MAGI1: variants seen among roughly 807,000 people sequenced by gnomAD.
MAGI1 encodes the protein membrane-associated guanylate kinase, WW and PDZ domain-containing protein 1.
In MAGI1, 58 loss-of-function variants were observed where a neutral mutation model predicts 139.9. That is an observed-to-expected ratio of 0.41 (90% confidence interval 0.34 to 0.52). MAGI1 has a LOEUF of 0.52. MAGI1 is among the 20% of genes least tolerant of loss of function. MAGI1 has a pLI of 0.12. For synonymous variants in MAGI1, 812 were observed against 737.9 expected (o/e 1.10, Z -1.63); for missense variants, 1,874 against 1,901.6 (o/e 0.99, Z 0.27).
At chr3:65,734,570 G>GGAGA (rs143441869) in intron 1 of MAGI1, among the ~76,000 whole-genome samples, 1,954 of 145,998 alleles carry the variant, frequency 0.013, 37 homozygotes, top group African/African-American at 0.044. Context: ...AGAGAGAGAG[G>GGAGA]GAGAGAGAGA....
chr3:65,735,147 C>T (rs2107752704), intron 1 of MAGI1, among the ~76,000 whole-genome samples: 1 of 152,214 alleles, frequency 6.6e-6, no homozygotes, highest in East Asian at 1.9e-4. Flanking sequence ...TCATCAAATA[C>T]ATATTGGAAT....
intron 2 of MAGI1, among the ~76,000 whole-genome samples, chr3:65,521,250 A>G (rs1356026924): frequency 6.6e-6 from 1 of 152,188 alleles, no homozygotes; most frequent in Non-Finnish European, 1.5e-5. Context: ...ACTGATTTTT[A>G]ACAATAAAAC....
At chr3:65,644,036 C>T (rs1187426293) in intron 1 of MAGI1, among the ~76,000 whole-genome samples, 1 of 152,142 alleles carries the variant, frequency 6.6e-6, no homozygotes, top group African/African-American at 2.4e-5. Flanking sequence ...TTCTGCCCCA[C>T]ATAGCAGTAA....
At chr3:65,687,417 T>C (rs1214069952) in intron 1 of MAGI1, 2 of 360,510 alleles carry the variant, frequency 5.5e-6, no homozygotes, top group Non-Finnish European at 1.1e-5. Context: ...TTGTGTGAAA[T>C]GGCCCTCCCC....
Position 65,590,602 on chromosome 3 carries a change from T to C in MAGI1, c.430+31370A>G, listed in dbSNP as rs531596575. Among the ~76,000 whole-genome samples the C allele has an allele frequency of 9.2e-5, 14 of 152,328 alleles. No individual in the cohort carries two copies. The South Asian group carries it at 2.9e-3, about 32-fold the overall frequency. On this transcript the variant is annotated intron_variant, in intron 2 of 22. Transcript: ENST00000402939. The stretch of plus-strand genomic sequence containing the variant: ...GGAGATGTACTTTAAAACTGCTACT[T>C]AGCTGTCCCCCCCATTCGTCTTTAA...
intron 1 of MAGI1, among the ~76,000 whole-genome samples, chr3:66,020,095 TGTGA>T (rs1216839343): frequency 6.6e-6 from 1 of 152,178 alleles, no homozygotes; most frequent in East Asian, 1.9e-4. Context: ...TCTCCCTGGC[TGTGA>T]GTAACAAGGC....
intron 12 of MAGI1, among the ~76,000 whole-genome samples, chr3:65,425,127 AAAAAAC>A (rs1466804425): frequency 0.28 from 11,516 of 41,100 alleles, 1,422 homozygotes; most frequent in Non-Finnish European, 0.34. Context: ...AAAAAAAAAA[AAAAAAC>A]AAAAAAAAAC....
At chr3:65,717,194 T>C (rs374045793) in intron 1 of MAGI1, among the ~76,000 whole-genome samples, 4 of 152,270 alleles carry the variant, frequency 2.6e-5, no homozygotes, top group East Asian at 3.9e-4. Flanking sequence ...AAAGTTAATA[T>C]AGGACAAACA....
At chr3:65,773,851 A>G (rs542066543) in intron 1 of MAGI1, among the ~76,000 whole-genome samples, 2 of 152,166 alleles carry the variant, frequency 1.3e-5, no homozygotes. Flanking sequence ...TTCGATATAA[A>G]GATTAAAATT....
At chr3:65,562,167 G>A (rs986223538) in intron 2 of MAGI1, among the ~76,000 whole-genome samples, 2 of 152,142 alleles carry the variant, frequency 1.3e-5, no homozygotes, top group Non-Finnish European at 2.9e-5. Context: ...ACTATCTGCA[G>A]TTTCAGGCTT....
chr3:66,026,154 T>C (rs918373024), intron 1 of MAGI1, among the ~76,000 whole-genome samples: 3 of 151,990 alleles, frequency 2.0e-5, no homozygotes, highest in Non-Finnish European at 2.9e-5. Context: ...AGATGTAAAT[T>C]CTAACGCTTG....
At chr3:65,451,415 A>G (rs566695533) in intron 6 of MAGI1, among the ~76,000 whole-genome samples, 8 of 152,152 alleles carry the variant, frequency 5.3e-5, no homozygotes, top group Non-Finnish European at 1.2e-4. Context: ...TTATGCTATG[A>G]TCTTTGAAAA....
At chr3:65,703,289 G>A (rs1158288754) in intron 1 of MAGI1, among the ~76,000 whole-genome samples, 2 of 152,192 alleles carry the variant, frequency 1.3e-5, no homozygotes, top group African/African-American at 2.4e-5. Flanking sequence ...CTGGACGCAG[G>A]AGTAGGGTGT....
At chr3:66,025,864 C>G (rs1383182963) in intron 1 of MAGI1, among the ~76,000 whole-genome samples, 1 of 151,848 alleles carries the variant, frequency 6.6e-6, no homozygotes. Flanking sequence ...TTAAATTTCA[C>G]CAGGAAAATA....
At chr3:65,938,685 CG>C (rs2063174393) in intron 1 of MAGI1, among the ~76,000 whole-genome samples, 1 of 152,112 alleles carries the variant, frequency 6.6e-6, no homozygotes, top group South Asian at 2.1e-4. Context: ...TAAACCTAGG[CG>C]GGACATCCTA....
At chr3:65,707,095 T>C (rs1340064486) in intron 1 of MAGI1, among the ~76,000 whole-genome samples, 1 of 152,172 alleles carries the variant, frequency 6.6e-6, no homozygotes, top group Non-Finnish European at 1.5e-5. Context: ...ACGAATGTGT[T>C]TGCCGTAGTT....
At chr3:65,495,585 G>A (rs1383885086) in intron 2 of MAGI1, among the ~76,000 whole-genome samples, 2 of 152,068 alleles carry the variant, frequency 1.3e-5, no homozygotes, top group Non-Finnish European at 2.9e-5. Context: ...GAATTTATAT[G>A]TTACTGTGAG....
chr3:65,835,657 C>A (rs1216769851), intron 1 of MAGI1, among the ~76,000 whole-genome samples: 1 of 152,026 alleles, frequency 6.6e-6, no homozygotes, highest in Non-Finnish European at 1.5e-5. Flanking sequence ...ACTTTCATTG[C>A]CAGATAATAT....
At chr3:65,441,244 A>G (rs896019426) in intron 8 of MAGI1, among the ~76,000 whole-genome samples, 1 of 152,188 alleles carries the variant, frequency 6.6e-6, no homozygotes, top group Non-Finnish European at 1.5e-5. Context: ...TACAGGCATG[A>G]GCCACCATGC....
Sources: allele counts gnomAD v4.1 joint callset (sites outside exome capture counted in the v4.1 genomes callset), GRCh38; gene constraint gnomAD v4.1.1; transcripts MANE v1.5; gene names NCBI Gene and HGNC (gene_info 2026-07-23, HGNC 2026-07-21).